Variants in ASTN2 observed in about 807,000 individuals in gnomAD.
ASTN2 encodes astrotactin 2.
ASTN2 carries 54 observed loss-of-function variants against 139.8 expected under a neutral mutation model. The observed-to-expected ratio is 0.39, with a 90% CI of 0.31 to 0.48. ASTN2 has a LOEUF of 0.48. Among genes scored for constraint, ASTN2 ranks in the 20% least tolerant of loss-of-function variants. The pLI, the probability that ASTN2 is intolerant of heterozygous loss-of-function variation, is 0.95. For missense variants in ASTN2, 1,565 were observed against 1,725.1 expected, an observed-to-expected ratio of 0.91 and a Z score of 1.64; for synonymous variants, 756 against 719.5, an observed-to-expected ratio of 1.05 and a Z score of -0.81.
At chr9:116,609,959 G>C (rs1215005217) in intron 19 of ASTN2, among the ~76,000 whole-genome samples, 3 of 151,812 alleles carry the variant, frequency 2.0e-5, no homozygotes, top group Non-Finnish European at 4.4e-5. Context: ...TTTTAAAAAA[G>C]AGTTATTGCT....
At chr9:116,523,494 T>A (rs1202774730) in intron 19 of ASTN2, among the ~76,000 whole-genome samples, 1 of 152,166 alleles carries the variant, frequency 6.6e-6, no homozygotes, top group Non-Finnish European at 1.5e-5. Flanking sequence ...AATAGGTTAC[T>A]AAACATCTCT....
intron 11 of ASTN2, among the ~76,000 whole-genome samples, chr9:116,827,755 T>A (rs1228464061): frequency 2.0e-5 from 3 of 151,974 alleles, no homozygotes; most frequent in African/African-American, 7.3e-5. Context: ...TATCTCTCAA[T>A]AACAACAGAA....
Position 116,754,255 on chromosome 9 carries a change from G to C in ASTN2, c.2397-20732C>G, listed in dbSNP as rs547012759. ...TTCCAAGTCTTTGCTATTGTGAATA[G>C]TGCCGCCATAAACATACGTGTGCAT... On this transcript the variant is annotated intron_variant, in intron 13 of 22. Coordinates refer to ENST00000313400, the MANE Select transcript of ASTN2 (RefSeq NM_001365068.1). 2.6e-5 allele frequency among the ~76,000 whole-genome samples: 4 copies of C among 152,198 alleles called. No homozygotes were observed. In the East Asian group the frequency reaches 7.7e-4, roughly 29 times the overall value.
At chr9:116,482,017 A>G (rs1018045948) in intron 20 of ASTN2, among the ~76,000 whole-genome samples, 5 of 152,170 alleles carry the variant, frequency 3.3e-5, no homozygotes, top group African/African-American at 1.2e-4. Context: ...CACCTGTGAA[A>G]TGGGAGAGGC....
chr9:116,697,417 T>A (rs952832012), intron 16 of ASTN2: 36 of 342,952 alleles, frequency 1.0e-4, no homozygotes, highest in Admixed American at 1.6e-4. Flanking sequence ...GTTAATTCCT[T>A]ATGGTCATGC....
chr9:117,119,473 T>A (rs952753513), intron 4 of ASTN2, among the ~76,000 whole-genome samples: 3 of 152,154 alleles, frequency 2.0e-5, no homozygotes, highest in African/African-American at 7.2e-5. Flanking sequence ...GGCCTCCTGA[T>A]GTCCTGACCC....
At chr9:117,260,294 CA>C (rs1418558596) in intron 2 of ASTN2, among the ~76,000 whole-genome samples, 2 of 152,126 alleles carry the variant, frequency 1.3e-5, no homozygotes, top group Non-Finnish European at 1.5e-5. Flanking sequence ...GAACAGAGGG[CA>C]AAAGGGTTAT....
intron 1 of ASTN2, among the ~76,000 whole-genome samples, chr9:117,321,541 T>C (rs1364592009): frequency 6.6e-6 from 1 of 152,150 alleles, no homozygotes; most frequent in Non-Finnish European, 1.5e-5. Context: ...TTCAGAGGAA[T>C]GGAATCAAGT....
intron 1 of ASTN2, among the ~76,000 whole-genome samples, chr9:117,329,700 G>A (rs1828640070): frequency 6.6e-6 from 1 of 152,130 alleles, no homozygotes; most frequent in Non-Finnish European, 1.5e-5. Context: ...TAGCTCTCAG[G>A]ACTCCATATA....
intron 10 of ASTN2, among the ~76,000 whole-genome samples, chr9:116,927,689 G>A (rs762364263): frequency 2.6e-5 from 4 of 152,184 alleles, no homozygotes; most frequent in Non-Finnish European, 5.9e-5. Context: ...AAACTCTCAT[G>A]TGCCTGAGCG....
At chr9:116,605,053 GAGAC>G (rs771486616) in intron 19 of ASTN2, among the ~76,000 whole-genome samples, 61 of 151,894 alleles carry the variant, frequency 4.0e-4, no homozygotes, top group African/African-American at 1.2e-3. Flanking sequence ...GAGAGAGAGA[GAGAC>G]AGAGAGCCAC....
intron 19 of ASTN2, among the ~76,000 whole-genome samples, chr9:116,537,263 A>G (rs1851679071): frequency 6.6e-6 from 1 of 152,130 alleles, no homozygotes; most frequent in South Asian, 2.1e-4. Context: ...AGCTGTTCCT[A>G]TTTGGCCATC....
At position 116,698,793 on chromosome 9, in the gene ASTN2, A is replaced by G. The variant is rs1554733051; in HGVS notation, c.2806+26978T>C. On this transcript the variant is annotated intron_variant, in intron 16 of 22. Coordinates refer to ENST00000313400, the MANE Select transcript of ASTN2 (RefSeq NM_001365068.1). This position sits in a 1 kb window ranked among gnomAD's most constrained non-coding sequence, Gnocchi z 4.4. ...ACAGCGGGGTCCTGAGGCAGCCTCC[A>G]ATATCCAGCAGTGCCTCTTTCTCAA... is the stretch of plus-strand genomic sequence containing the variant. The G allele has an allele frequency of 1.2e-6, 2 of 1,614,210 alleles. No homozygotes were observed. The highest frequency in any genetic ancestry group is 2.2e-5 in the East Asian group (1 of 44,876).
chr9:117,264,173 T>G (rs1254667485), intron 2 of ASTN2, among the ~76,000 whole-genome samples: 1 of 152,146 alleles, frequency 6.6e-6, no homozygotes, highest in Non-Finnish European at 1.5e-5. Flanking sequence ...AATCTACAAT[T>G]TTTTTTTCTA....
At chr9:117,168,660 GT>G (rs1428371380) in intron 3 of ASTN2, among the ~76,000 whole-genome samples, 3 of 152,066 alleles carry the variant, frequency 2.0e-5, no homozygotes, top group Non-Finnish European at 4.4e-5. Flanking sequence ...GAAATTTCAG[GT>G]TTAGTATAAA....
At chr9:117,324,692 C>A (rs866255304) in intron 1 of ASTN2, among the ~76,000 whole-genome samples, 1 of 152,102 alleles carries the variant, frequency 6.6e-6, no homozygotes, top group Non-Finnish European at 1.5e-5. Flanking sequence ...ATTATGCAAT[C>A]CCAGTACATA....
chr9:117,140,731 T>TA (rs2132856447), intron 4 of ASTN2, among the ~76,000 whole-genome samples: 1 of 151,904 alleles, frequency 6.6e-6, no homozygotes, highest in South Asian at 2.1e-4. Context: ...AGGAAGAAAA[T>TA]ATCTGCTTTT....
chr9:117,413,389 G>C (rs944961289), intron 1 of ASTN2, among the ~76,000 whole-genome samples: 1 of 152,252 alleles, frequency 6.6e-6, no homozygotes. Flanking sequence ...AAGAGCTCCG[G>C]GTCTGGGCGA....
chr9:117,172,663 T>C (rs1830821446), intron 3 of ASTN2, among the ~76,000 whole-genome samples: 1 of 152,102 alleles, frequency 6.6e-6, no homozygotes, highest in African/African-American at 2.4e-5. Context: ...GGCTTGTGAA[T>C]CCCAGAGTGG....
Sources: gnomAD v4.1 joint callset for allele counts (sites outside exome capture counted in the v4.1 genomes callset) on GRCh38, gnomAD v4.1.1 for gene constraint, Gnocchi (gnomAD v3.1) non-coding constraint, MANE v1.5 for transcripts, NCBI Gene and HGNC (gene_info 2026-07-23, HGNC 2026-07-21) for gene names.